RPS6KA5: variants seen among roughly 807,000 people sequenced by gnomAD.
RPS6KA5 encodes ribosomal protein S6 kinase A5, also known as ribosomal protein S6 kinase alpha-5.
A neutral mutation model predicts 85.5 loss-of-function variants in RPS6KA5; 27 were observed. The observed-to-expected ratio is 0.32, with a 90% CI of 0.23 to 0.44. The LOEUF (loss-of-function observed/expected upper bound fraction) is 0.44, where lower values mean the gene tolerates loss of function less well. Ranked by LOEUF, RPS6KA5 falls within the 20% of genes least tolerant of loss-of-function variation. The pLI is 1.00. For missense variants in RPS6KA5, 811 were observed against 980.9 expected (o/e 0.83, Z 2.31); for synonymous variants, 334 against 348.2 (o/e 0.96, Z 0.46).
intron 3 of RPS6KA5, among the ~76,000 whole-genome samples, chr14:90,952,749 C>T (rs1566785674): frequency 6.6e-6 from 1 of 152,240 alleles, no homozygotes; most frequent in Non-Finnish European, 1.5e-5. Flanking sequence ...TACAACAAGA[C>T]TGATCATTAA....
At chr14:90,983,797 C>CG (rs2039920698) in intron 2 of RPS6KA5, among the ~76,000 whole-genome samples, 1 of 117,748 alleles carries the variant, frequency 8.5e-6, no homozygotes, top group African/African-American at 3.4e-5. Flanking sequence ...TTCTCTCTCT[C>CG]TCTCTCTCTC....
chr14:90,966,161 T>C (rs537123189), intron 3 of RPS6KA5, among the ~76,000 whole-genome samples: 1 of 152,304 alleles, frequency 6.6e-6, no homozygotes, highest in African/African-American at 2.4e-5. Context: ...CGCAGATATG[T>C]GTCCTGGGAG....
chr14:90,884,497 A>C (rs552183170), intron 14 of RPS6KA5, among the ~76,000 whole-genome samples: 1 of 152,350 alleles, frequency 6.6e-6, no homozygotes, highest in East Asian at 1.9e-4. Flanking sequence ...ATTTTGAATA[A>C]GGGATACTCG....
chr14:90,947,409 G>T (rs1051239409), intron 4 of RPS6KA5, 26 bp downstream of exon 4: 13 of 1,328,524 alleles, frequency 9.8e-6, no homozygotes, highest in African/African-American at 1.5e-5. Context: ...CTTCAGAAAA[G>T]AAACCTGAAA....
At chr14:90,968,596 CTT>C (rs776420361) in intron 3 of RPS6KA5, among the ~76,000 whole-genome samples, 21 of 152,276 alleles carry the variant, frequency 1.4e-4, no homozygotes, top group African/African-American at 4.8e-4. Flanking sequence ...AAAATAACCT[CTT>C]GTTACTAGAG....
rs950141855 is a variant in RPS6KA5, at chr14:90,860,527, T to C, written c.*11547A>G. The stretch of plus-strand genomic sequence containing the variant: ...CCAGCCTGGGTGACAGAGTGAGACT[T>C]GGTCTCAAAAATAAAATAAAATAAA... On this transcript the variant is annotated 3_prime_UTR_variant, in exon 17 of 17. Transcript: ENST00000614987. The C allele has an allele frequency of 1.3e-5, 2 of 152,068 alleles. No individual in the cohort carries two copies. The highest frequency in any genetic ancestry group is 2.4e-5 in the African/African-American group (1 of 41,380). 9.4% of individuals were successfully genotyped at this position (152,068 alleles called of 1,614,324 possible). A position where few individuals can be genotyped will look rare whatever the true frequency, so the allele number is the denominator to read the frequency against.
At chr14:90,974,320 G>A (rs545594997) in intron 3 of RPS6KA5, among the ~76,000 whole-genome samples, 15 of 152,144 alleles carry the variant, frequency 9.9e-5, no homozygotes, top group Non-Finnish European at 2.1e-4. Flanking sequence ...AGCAGAGGCA[G>A]GAATAAGTTA....
chr14:90,939,799 C>A (rs1404801050), intron 5 of RPS6KA5, among the ~76,000 whole-genome samples: 1 of 152,148 alleles, frequency 6.6e-6, no homozygotes, highest in Non-Finnish European at 1.5e-5. Context: ...GGTGGGGACA[C>A]AGCCAAACCA....
chr14:90,869,620 T>A lies in RPS6KA5; in HGVS notation c.*2454A>T, dbSNP rs1566666756. 1 of 152,322 alleles carries A rather than the reference T, an allele frequency of 6.6e-6. No individual in the cohort carries two copies. The highest frequency in any genetic ancestry group is 2.1e-4 in the South Asian group (1 of 4,828). The allele number at this position is 152,322 out of a possible 1,614,324, so 9.4% of individuals were successfully genotyped here. On this transcript the variant is annotated 3_prime_UTR_variant, in exon 17 of 17. Coordinates refer to ENST00000614987, the MANE Select transcript of RPS6KA5 (RefSeq NM_004755.4). ...TTTGTATTTCTTAGATCTTCTTCTA[T>A]TTTACTCTTAATACCAAAAAAAGAG...
At chr14:90,947,004 C>A (rs1297507388) in intron 4 of RPS6KA5, among the ~76,000 whole-genome samples, 2 of 152,038 alleles carry the variant, frequency 1.3e-5, no homozygotes, top group Admixed American at 6.6e-5. Context: ...AGCCAGAGTG[C>A]GAGTGGGAAA....
At chr14:91,053,340 G>C in intron 1 of RPS6KA5, among the ~76,000 whole-genome samples, 1 of 152,216 alleles carries the variant, frequency 6.6e-6, no homozygotes. Flanking sequence ...TTGAACCATA[G>C]TGAAGGTTCT....
chr14:90,964,879 C>T (rs2038978331), intron 3 of RPS6KA5, among the ~76,000 whole-genome samples: 3 of 139,752 alleles, frequency 2.1e-5, no homozygotes, highest in East Asian at 2.2e-4. Flanking sequence ...AGTGCCACTG[C>T]ACTCCAGCCT....
rs758725195 is a variant in RPS6KA5, at chr14:90,900,608, T to C, written c.1245+3A>G. ...TGTCATATAAGTTACCACATCTATATACCTTCATCATTGCACTCCTGGCAA... is the reference window on the plus strand; with the variant it reads ...TGTCATATAAGTTACCACATCTATACACCTTCATCATTGCACTCCTGGCAA... On this transcript the variant is annotated splice_donor_region_variant and intron_variant, in intron 10 of 16. Transcript: ENST00000614987. 6 of 1,612,446 alleles carry C rather than the reference T, an allele frequency of 3.7e-6. No homozygotes were observed. The South Asian group carries it at 4.4e-5, about 12-fold the overall frequency.
intron 1 of RPS6KA5, among the ~76,000 whole-genome samples, chr14:91,007,128 G>A (rs1284403368): frequency 2.0e-5 from 3 of 152,208 alleles, no homozygotes; most frequent in Non-Finnish European, 4.4e-5. Flanking sequence ...GGGCCTGGGA[G>A]AGCAGAGTTT....
chr14:90,891,957 T>G (rs1203979708), intron 13 of RPS6KA5, among the ~76,000 whole-genome samples: 1 of 151,996 alleles, frequency 6.6e-6, no homozygotes, highest in African/African-American at 2.4e-5. Flanking sequence ...ACCATGTTTA[T>G]TCTATATTAA....
intron 1 of RPS6KA5, among the ~76,000 whole-genome samples, chr14:91,055,381 A>T (rs1595571360): frequency 6.6e-6 from 1 of 152,362 alleles, no homozygotes; most frequent in East Asian, 1.9e-4. Context: ...AACAACCCAA[A>T]TTTCAAACAA....
In RPS6KA5 at chr14:90,915,484, G is replaced by A. The variant is rs111909879; in HGVS notation, c.806+4722C>T. On this transcript the variant is annotated intron_variant, in intron 7 of 16. Coordinates refer to ENST00000614987, the MANE Select transcript of RPS6KA5 (RefSeq NM_004755.4). ...CAAGGAACTGAGAGTGGCCATTGGC[G>A]TAAAAGATGTTCTATACAGAAAGGC... is the stretch of plus-strand genomic sequence containing the variant. Among the ~76,000 whole-genome samples the A allele has an allele frequency of 4.8e-3, 723 of 152,120 alleles. 7 individuals are homozygous for A. The highest frequency in any genetic ancestry group is 0.017 in the African/African-American group (686 of 41,532).
intron 3 of RPS6KA5, among the ~76,000 whole-genome samples, chr14:90,951,067 C>T (rs925517166): frequency 7.6e-5 from 10 of 131,976 alleles, no homozygotes. Flanking sequence ...TGCAGTTGGC[C>T]AAGATCACTG....
At position 90,850,236 on chromosome 14, in the gene RPS6KA5, A is replaced by G. The variant is rs1232756603; in HGVS notation, c.*21838T>C. 2.0e-5 allele frequency: 3 copies of G among 152,204 alleles called. No homozygotes were observed. Among genetic ancestry groups the G allele is most frequent in the Non-Finnish European group, 1.5e-5 (1 of 68,030 alleles). 9.4% of individuals were successfully genotyped at this position (152,204 alleles called of 1,614,324 possible). On this transcript the variant is annotated 3_prime_UTR_variant, in exon 17 of 17. Transcript: ENST00000614987. ...CATTGACCTGAAATGAACTGCTTCA[A>G]CGTGTTCTGAAGGACCTTTAAATAA...
Sources: gnomAD v4.1 joint callset for allele counts (sites outside exome capture counted in the v4.1 genomes callset) on GRCh38, gnomAD v4.1.1 for gene constraint, MANE v1.5 for transcripts, NCBI Gene and HGNC (gene_info 2026-07-23, HGNC 2026-07-21) for gene names.